The following MICU1 variants were observed in gnomAD, a reference collection of about 807,000 sequenced individuals.
MICU1 encodes the protein calcium uptake protein 1, mitochondrial.
In MICU1, 45 loss-of-function variants were observed where a neutral mutation model predicts 56.8. That is an observed-to-expected ratio of 0.79 (90% confidence interval 0.62 to 1.02). MICU1 has a LOEUF of 1.02. Ranked by LOEUF, MICU1 falls within the 50% of genes least tolerant of loss-of-function variation. The pLI, the probability that MICU1 is intolerant of heterozygous loss-of-function variation, is 0.00. For synonymous variants in MICU1, 186 were observed against 195.1 expected, an observed-to-expected ratio of 0.95 and a Z score of 0.39; for missense variants, 504 against 587.1, an observed-to-expected ratio of 0.86 and a Z score of 1.46.
chr10:72,559,456 A>G (rs1400917417), intron 3 of MICU1, among the ~76,000 whole-genome samples: 1 of 151,754 alleles, frequency 6.6e-6, no homozygotes, highest in African/African-American at 2.4e-5. Flanking sequence ...ATAAAAACAT[A>G]TTACTCTATT....
intron 1 of MICU1, among the ~76,000 whole-genome samples, chr10:72,574,689 C>T (rs1445539159): frequency 2.6e-5 from 4 of 151,212 alleles, no homozygotes; most frequent in African/African-American, 4.9e-5. Flanking sequence ...TGAATTTATT[C>T]GGGAATGAGA....
At chr10:72,393,370 G>A (rs1260849150) in intron 10 of MICU1, among the ~76,000 whole-genome samples, 1 of 152,154 alleles carries the variant, frequency 6.6e-6, no homozygotes, top group Admixed American at 6.5e-5. Context: ...AGGTCTTCCC[G>A]AGGAAATGAC....
intron 4 of MICU1, among the ~76,000 whole-genome samples, chr10:72,541,416 C>T (rs1839770217): frequency 6.6e-6 from 1 of 152,194 alleles, no homozygotes; most frequent in Non-Finnish European, 1.5e-5. Flanking sequence ...TAAATAGCAT[C>T]ACTATTATAG....
In MICU1 at chr10:72,470,236, CT is replaced by C. The variant is rs541999197; in HGVS notation, c.933+4863del. On this transcript the variant is annotated intron_variant, in intron 8 of 11. Transcript: ENST00000361114. ...CCTCATTAGCACTAAAGCCTATACT[CT>C]TGCTGCTAGTCACGCTTCCTCAAAG... Among the ~76,000 whole-genome samples the C allele has an allele frequency of 4.2e-4, 64 of 152,318 alleles. 1 individual carries two copies. The Middle Eastern group carries it at 0.014, about 32-fold the overall frequency.
chr10:72,396,965 C>T (rs1589169279), intron 10 of MICU1, among the ~76,000 whole-genome samples: 1 of 152,036 alleles, frequency 6.6e-6, no homozygotes, highest in African/African-American at 2.4e-5. Context: ...AGAAGAGGGA[C>T]CCCAAGACAC....
chr10:72,439,236 C>G (rs1864839102), intron 8 of MICU1, among the ~76,000 whole-genome samples: 1 of 152,204 alleles, frequency 6.6e-6, no homozygotes, highest in Non-Finnish European at 1.5e-5. Context: ...GGATGCAAGG[C>G]TGGTTCAACA....
intron 10 of MICU1, among the ~76,000 whole-genome samples, chr10:72,397,414 T>C (rs1863305520): frequency 6.6e-6 from 1 of 152,236 alleles, no homozygotes; most frequent in African/African-American, 2.4e-5. Context: ...AATGACAGAA[T>C]CAAATTCACA....
intron 8 of MICU1, among the ~76,000 whole-genome samples, chr10:72,437,224 G>GA (rs762490380): frequency 1.1e-4 from 16 of 152,198 alleles, no homozygotes; most frequent in Non-Finnish European, 2.2e-4. Flanking sequence ...CAAGCCAGAA[G>GA]AGAGTGGGGG....
chr10:72,544,351 C>T (rs1839848639), intron 4 of MICU1, among the ~76,000 whole-genome samples: 1 of 152,138 alleles, frequency 6.6e-6, no homozygotes. Flanking sequence ...GTTTTGTCTG[C>T]GGCCTGTCCT....
At position 72,599,197 on chromosome 10, in the gene MICU1, C is replaced by G. The variant is rs568387908; in HGVS notation, c.-2+26813G>C. 2.6e-5 allele frequency among the ~76,000 whole-genome samples: 4 copies of G among 152,212 alleles called. No homozygotes were observed. In the South Asian group the frequency reaches 8.3e-4, roughly 32 times the overall value. ...TCTCACCCTGGCCTTTGTGTTAACA[C>G]AAAGCATTCCTAAACACCAAAAGAG... On this transcript the variant is annotated intron_variant, in intron 1 of 11. Transcript: ENST00000361114.
chr10:72,435,561 G>A (rs1864684123), intron 8 of MICU1, among the ~76,000 whole-genome samples: 2 of 152,112 alleles, frequency 1.3e-5, no homozygotes. Context: ...GGCAGCCCAC[G>A]GAGGACGAGC....
intron 1 of MICU1, among the ~76,000 whole-genome samples, chr10:72,596,766 G>A (rs775240358): frequency 7.3e-5 from 11 of 151,482 alleles, no homozygotes; most frequent in African/African-American, 1.9e-4. Flanking sequence ...CCAGCTACTC[G>A]GGAGGCTGAG....
intron 9 of MICU1, among the ~76,000 whole-genome samples, chr10:72,417,412 C>T (rs1258610025): frequency 1.3e-5 from 2 of 150,478 alleles, no homozygotes; most frequent in African/African-American, 2.5e-5. Context: ...CGAGATCAGG[C>T]CACTGCACTC....
Position 72,552,845 on chromosome 10 carries a change from C to T in MICU1, c.331-1504G>A, listed in dbSNP as rs754173490. On this transcript the variant is annotated intron_variant, in intron 3 of 11. Coordinates refer to ENST00000361114, the MANE Select transcript of MICU1 (RefSeq NM_001195518.2). ...CTGGGATTACAGGCGTGAGCCACCA[C>T]GCCCAGCCTTTATTGATATTTTAAA... Among the ~76,000 whole-genome samples the T allele has an allele frequency of 1.7e-3, 265 of 152,334 alleles. 1 individual carries two copies. Among genetic ancestry groups the T allele is most frequent in the Admixed American group, 2.9e-3 (44 of 15,306 alleles).
chr10:72,609,966 CGGAGG>C (rs1452105081), intron 1 of MICU1, among the ~76,000 whole-genome samples: 2 of 151,030 alleles, frequency 1.3e-5, no homozygotes, highest in East Asian at 3.9e-4. Context: ...CCTGGAGGGG[CGGAGG>C]TTGCAGTGAG....
At position 72,372,698 on chromosome 10, in the gene MICU1, C is replaced by T. The variant is rs544066678; in HGVS notation, c.1270+3085G>A. Among the ~76,000 whole-genome samples the T allele has an allele frequency of 1.7e-4, 26 of 151,768 alleles. 1 individual carries two copies. In the South Asian group the frequency reaches 4.2e-3, roughly 24 times the overall value. On this transcript the variant is annotated intron_variant, in intron 11 of 11. Transcript: ENST00000361114. ...TACTAAAAATACAAAAAAAATTAAC[C>T]GGGTGTGATGGTGGGCGCCTGTGAT...
At chr10:72,425,765 A>C (rs1589206121) in intron 8 of MICU1, among the ~76,000 whole-genome samples, 1 of 152,066 alleles carries the variant, frequency 6.6e-6, no homozygotes, top group African/African-American at 2.4e-5. Context: ...AGCCATGGAG[A>C]GCTGTTTTTC....
intron 5 of MICU1, among the ~76,000 whole-genome samples, chr10:72,511,340 C>T (rs1867442573): frequency 6.6e-6 from 1 of 152,078 alleles, no homozygotes; most frequent in Non-Finnish European, 1.5e-5. Flanking sequence ...TGTTGAAATC[C>T]CCAAAGATCA....
chr10:72,500,645 C>T (rs1867040316), intron 6 of MICU1, among the ~76,000 whole-genome samples: 1 of 151,962 alleles, frequency 6.6e-6, no homozygotes, highest in Non-Finnish European at 1.5e-5. Flanking sequence ...TATTGCCTCC[C>T]CATCAAGCTA....
Sources: gnomAD v4.1 joint callset for allele counts (sites outside exome capture counted in the v4.1 genomes callset) on GRCh38, gnomAD v4.1.1 for gene constraint, MANE v1.5 for transcripts, NCBI Gene and HGNC (gene_info 2026-07-23, HGNC 2026-07-21) for gene names.